SDK1: variants seen among roughly 807,000 people sequenced by gnomAD.
SDK1 encodes the protein sidekick cell adhesion molecule 1, also known as protein sidekick-1.
SDK1 carries 157 observed loss-of-function variants against 245.5 expected under a neutral mutation model. That is an observed-to-expected ratio of 0.64 (90% CI 0.56 to 0.73). The LOEUF (loss-of-function observed/expected upper bound fraction) is 0.73. Among genes scored for constraint, SDK1 ranks in the 30% least tolerant of loss-of-function variants. SDK1 has a pLI of 0.00. For synonymous variants in SDK1, 1,647 were observed against 1,278.5 expected (o/e 1.29, Z -6.15); for missense variants, 3,583 against 3,002.3 (o/e 1.19, Z -4.52).
chr7:3,578,203 A>G (rs1405087025), intron 1 of SDK1, among the ~76,000 whole-genome samples: 4 of 152,020 alleles, frequency 2.6e-5, no homozygotes, highest in African/African-American at 9.7e-5. Context: ...GACATCACAT[A>G]TCGGTAGGAC....
At chr7:4,240,156 G>C (rs775205645) in intron 42 of SDK1, among the ~76,000 whole-genome samples, 41 of 152,126 alleles carry the variant, frequency 2.7e-4, no homozygotes, top group Non-Finnish European at 4.4e-4. Context: ...AGAATCCTGT[G>C]TCTGGTGCAT....
At chr7:4,139,419 G>GTGTGTGTA (rs1377763142) in intron 28 of SDK1, among the ~76,000 whole-genome samples, 4 of 150,084 alleles carry the variant, frequency 2.7e-5, no homozygotes, top group African/African-American at 9.8e-5. Flanking sequence ...GTATATGTGT[G>GTGTGTGTA]TGTGTGTATG....
At chr7:3,646,130 T>G (rs1782828401) in intron 4 of SDK1, among the ~76,000 whole-genome samples, 1 of 152,212 alleles carries the variant, frequency 6.6e-6, no homozygotes, top group South Asian at 2.1e-4. Context: ...GTGCTGGGAT[T>G]ATAGGCGTGA....
In SDK1 at chr7:3,657,778, A is replaced by G. The variant is rs139501732; in HGVS notation, c.713+15673A>G. Among the ~76,000 whole-genome samples the G allele has an allele frequency of 7.2e-3, 1,100 of 152,272 alleles. 15 individuals are homozygous for G. Among genetic ancestry groups the G allele is most frequent in the African/African-American group, 0.025 (1,027 of 41,552 alleles). On this transcript the variant is annotated intron_variant, in intron 4 of 44. Coordinates refer to ENST00000404826, the MANE Select transcript of SDK1 (RefSeq NM_152744.4). ...TCTTATCTTTCTGCGAGACTACTCT[A>G]AATCTTCACGACATGCTAGTAAAGA...
At position 3,321,425 on chromosome 7, in the gene SDK1, C is replaced by T. The variant is rs145438202; in HGVS notation, c.298+19541C>T. Reference sequence around the variant, plus strand: ...ACTACCTCTGGCTCTAGAGACTCAGCCTAGGAATGTGAATTGGTGAGAATA... The same window carrying T: ...ACTACCTCTGGCTCTAGAGACTCAGTCTAGGAATGTGAATTGGTGAGAATA... On this transcript the variant is annotated intron_variant, in intron 1 of 44. Transcript: ENST00000404826. 4.7e-3 allele frequency among the ~76,000 whole-genome samples: 711 copies of T among 152,238 alleles called. 7 individuals carry two copies. Among genetic ancestry groups the T allele is most frequent in the African/African-American group, 0.016 (683 of 41,532 alleles).
chr7:3,698,901 C>A (rs372053224), intron 4 of SDK1, among the ~76,000 whole-genome samples: 1 of 152,160 alleles, frequency 6.6e-6, no homozygotes, highest in East Asian at 1.9e-4. Flanking sequence ...CTTCAAAATA[C>A]GAATCAGTTG....
chr7:3,572,013 A>G (rs1045591717), intron 1 of SDK1, among the ~76,000 whole-genome samples: 2 of 152,098 alleles, frequency 1.3e-5, no homozygotes, highest in African/African-American at 4.8e-5. Flanking sequence ...TTGAACATGT[A>G]CGTACACAAG....
chr7:3,917,892 C>T (rs980467247), intron 5 of SDK1, among the ~76,000 whole-genome samples: 1 of 152,140 alleles, frequency 6.6e-6, no homozygotes, highest in African/African-American at 2.4e-5. Flanking sequence ...TTTCTGGTCT[C>T]CATACAAAGA....
intron 2 of SDK1, among the ~76,000 whole-genome samples, chr7:3,635,748 C>G (rs1782437732): frequency 6.6e-6 from 1 of 152,064 alleles, no homozygotes; most frequent in Admixed American, 6.6e-5. Context: ...GCTCTGTCAC[C>G]CAGGCTGGAG....
intron 5 of SDK1, among the ~76,000 whole-genome samples, chr7:3,832,463 A>G (rs1018738117): frequency 2.6e-5 from 4 of 152,306 alleles, no homozygotes; most frequent in East Asian, 1.9e-4. Flanking sequence ...GTAGAAGGCA[A>G]TTACAGCAGG....
At chr7:4,245,903 A>G in intron 44 of SDK1, 98 bp downstream of exon 44, 1 of 1,431,978 alleles carries the variant, frequency 7.0e-7, no homozygotes, top group Non-Finnish European at 9.7e-7. Context: ...TTTGAGTCTC[A>G]TAACATCCCC....
chr7:3,913,966 A>G (rs1779279015), intron 5 of SDK1, among the ~76,000 whole-genome samples: 3 of 152,176 alleles, frequency 2.0e-5, no homozygotes, highest in South Asian at 2.1e-4. Flanking sequence ...ACTCTGCTAT[A>G]CCATACTCCC....
chr7:4,136,936 G>A (rs779211518), intron 28 of SDK1, among the ~76,000 whole-genome samples: 2 of 152,228 alleles, frequency 1.3e-5, no homozygotes, highest in African/African-American at 2.4e-5. Flanking sequence ...CTCGGCCAGC[G>A]TGGGCGTCCT....
At chr7:3,848,365 C>G (rs1272675636) in intron 5 of SDK1, among the ~76,000 whole-genome samples, 2 of 152,140 alleles carry the variant, frequency 1.3e-5, no homozygotes, top group African/African-American at 2.4e-5. Context: ...CAGCACTTTT[C>G]CTGACAGTCC....
intron 2 of SDK1, among the ~76,000 whole-genome samples, chr7:3,622,157 C>G (rs1022092181): frequency 1.3e-5 from 2 of 152,098 alleles, no homozygotes; most frequent in Non-Finnish European, 2.9e-5. Context: ...ATAACACCTT[C>G]ATAAGGCTAG....
chr7:3,597,969 C>T (rs891654339), intron 1 of SDK1, among the ~76,000 whole-genome samples: 3 of 152,128 alleles, frequency 2.0e-5, no homozygotes, highest in Non-Finnish European at 4.4e-5. Flanking sequence ...CCTGGAACTT[C>T]TGGATCATTG....
At chr7:3,883,703 TC>T (rs1781263175) in intron 5 of SDK1, among the ~76,000 whole-genome samples, 6 of 130,338 alleles carry the variant, frequency 4.6e-5, no homozygotes, top group African/African-American at 1.8e-4. Context: ...GCTCCCTCCC[TC>T]CCTCCCTCCC....
intron 4 of SDK1, among the ~76,000 whole-genome samples, chr7:3,661,608 A>G (rs1164119648): frequency 4.6e-5 from 7 of 152,252 alleles, no homozygotes; most frequent in South Asian, 2.1e-4. Flanking sequence ...TAAAAATTTT[A>G]AAAACTGTTT....
At chr7:3,879,215 C>G (rs755016321) in intron 5 of SDK1, among the ~76,000 whole-genome samples, 4 of 152,058 alleles carry the variant, frequency 2.6e-5, no homozygotes, top group African/African-American at 4.8e-5. Context: ...GTTGTAAGGA[C>G]AAAACATGGC....
Sources: gnomAD v4.1 joint callset for allele counts (sites outside exome capture counted in the v4.1 genomes callset) on GRCh38, gnomAD v4.1.1 for gene constraint, MANE v1.5 for transcripts, NCBI Gene and HGNC (gene_info 2026-07-23, HGNC 2026-07-21) for gene names.